Variants in LMO2 observed in about 807,000 individuals in gnomAD.
LMO2 encodes rhombotin-2.
LMO2 carries 20 observed loss-of-function variants against 23.2 expected under a neutral mutation model. The ratio of observed to expected loss-of-function variants is 0.86; its 90% CI spans 0.61 to 1.25. The LOEUF (loss-of-function observed/expected upper bound fraction) is 1.25. Ranked by LOEUF, LMO2 falls within the 50% of genes most tolerant of loss-of-function variation. The probability of loss-of-function intolerance (pLI) is 0.00; values close to 1 mark genes in which losing one functional copy is unlikely to be tolerated. For synonymous variants in LMO2, 123 were observed against 130.2 expected (o/e 0.94, Z 0.38); for missense variants, 270 against 315.3 (o/e 0.86, Z 1.09).
chr11:33,864,661 C>T lies in LMO2; in HGVS notation c.405G>A (p.Glu135=), dbSNP rs1489855196. 28 of 1,613,858 alleles carry T rather than the reference C, an allele frequency of 1.7e-5. No individual in the cohort carries two copies. The highest frequency in any genetic ancestry group is 2.3e-5 in the Non-Finnish European group (27 of 1,180,054). The stretch of plus-strand genomic sequence containing the variant: ...GTTTGTAGTAGAGGCGCCGCCCCAC[C>T]TCACCCAGCCGGCAGCCACAGAGGT... The part of the protein sequence containing the change: ...SCDLCGCRLG[E]VGRRLYYKLG... The change falls in exon 5 of 6, where the codon GAG becomes GAA. Residue 135 remains glutamate, a synonymous_variant. Coordinates refer to ENST00000257818, the MANE Select transcript of LMO2 (RefSeq NM_005574.4). The surrounding 1 kb of genome is among the most constrained non-coding windows in gnomAD (Gnocchi z 4.8).
chr11:33,868,699 TA>T (rs761013362), intron 4 of LMO2, among the ~76,000 whole-genome samples: 1 of 152,168 alleles, frequency 6.6e-6, no homozygotes, highest in Non-Finnish European at 1.5e-5. Context: ...AATGGTGCAT[TA>T]ACTTTCGAGG....
intron 1 of LMO2, among the ~76,000 whole-genome samples, chr11:33,886,538 A>G (rs1263944425): frequency 6.6e-6 from 1 of 152,210 alleles, no homozygotes; most frequent in Non-Finnish European, 1.5e-5. Context: ...ACTGTGTCCC[A>G]GGCCACCAGC....
intron 2 of LMO2, among the ~76,000 whole-genome samples, chr11:33,871,241 G>C (rs536982449): frequency 4.3e-5 from 6 of 139,394 alleles, no homozygotes; most frequent in Non-Finnish European, 7.8e-5. Flanking sequence ...GTGTGTGTGT[G>C]TCCCAAAGGA....
intron 1 of LMO2, among the ~76,000 whole-genome samples, chr11:33,890,228 G>A (rs1319201577): frequency 5.3e-5 from 8 of 152,124 alleles, no homozygotes; most frequent in Non-Finnish European, 1.2e-4. Context: ...ATATCAATCT[G>A]GTGATAGATA....
In LMO2 at chr11:33,869,591, A is replaced by G; in HGVS notation, c.8-5T>C. 1 of 1,293,258 alleles carries G rather than the reference A, an allele frequency of 7.7e-7. No homozygotes were observed. The highest frequency in any genetic ancestry group is 2.3e-4 in the Middle Eastern group (1 of 4,432). 80.1% of individuals were successfully genotyped at this position (1,293,258 alleles called of 1,614,324 possible). ...CAAGGACAGTCACCGCGCTCCCTTC[A>G]AACGCCAAAGAGAGAGAGCGAATCA... On this transcript the variant is annotated splice_polypyrimidine_tract_variant and splice_region_variant and intron_variant, in intron 3 of 5. Coordinates refer to ENST00000257818, the MANE Select transcript of LMO2 (RefSeq NM_005574.4).
chr11:33,863,858 A>G (rs1230194499), intron 5 of LMO2, among the ~76,000 whole-genome samples: 1 of 152,234 alleles, frequency 6.6e-6, no homozygotes, highest in Admixed American at 6.5e-5. Flanking sequence ...AGAGCAGCTA[A>G]CATCTATTTG....
intron 1 of LMO2, among the ~76,000 whole-genome samples, chr11:33,884,262 C>T (rs938239608): frequency 2.0e-5 from 3 of 151,744 alleles, no homozygotes; most frequent in Admixed American, 6.6e-5. Context: ...TGAATAATGC[C>T]GAGAGGAGGT....
rs1175339656 is a variant in LMO2, at chr11:33,880,164, T to TGATATATATAC, written c.-272+1659_-272+1660insGTATATATATC. ...TATTTTATGTGTACATATATATACA[T>TGATATATATAC]ATGATATATACACATGATATATATA... On this transcript the variant is annotated intron_variant, in intron 2 of 5. Coordinates refer to ENST00000257818, the MANE Select transcript of LMO2 (RefSeq NM_005574.4). This position sits in a 1 kb window ranked among gnomAD's most constrained non-coding sequence, Gnocchi z 4.3. Among the ~76,000 whole-genome samples the TGATATATATAC allele has an allele frequency of 5.5e-5, 2 of 36,452 alleles. No individual in the cohort carries two copies. The highest frequency in any genetic ancestry group is 6.1e-4 in the East Asian group (1 of 1,634). The allele number at this position is 36,452 out of a possible 152,430, so 23.9% of individuals were successfully genotyped here.
intron 2 of LMO2, among the ~76,000 whole-genome samples, chr11:33,877,612 ACACTAC>A (rs1244952247): frequency 3.4e-4 from 51 of 151,718 alleles, no homozygotes; most frequent in African/African-American, 1.1e-3. Flanking sequence ...CTATAGGTGC[ACACTAC>A]CACGCCTGGC....
intron 4 of LMO2, among the ~76,000 whole-genome samples, chr11:33,869,145 C>T (rs1344661663): frequency 1.3e-5 from 2 of 152,248 alleles, no homozygotes; most frequent in African/African-American, 2.4e-5. Context: ...CCTGTCCCTG[C>T]CGCCCGCCGC....
chr11:33,877,045 A>C (rs546130720), intron 2 of LMO2, among the ~76,000 whole-genome samples: 1 of 152,368 alleles, frequency 6.6e-6, no homozygotes, highest in South Asian at 2.1e-4. Flanking sequence ...TTTGCTGGAC[A>C]TAGATGGATA....
chr11:33,889,551 T>A (rs1019803127), intron 1 of LMO2, among the ~76,000 whole-genome samples: 12 of 152,228 alleles, frequency 7.9e-5, no homozygotes, highest in Non-Finnish European at 4.4e-5. Context: ...TTCATTCATC[T>A]GTCAGCTAGA....
Position 33,869,476 on chromosome 11 carries a change from C to T in LMO2, c.118G>A (p.Ala40Thr). ...GDGGGGGGAR[A>T]PEGVRAPAAG... ...GCCGGGGCTCGGACCCCCTCGGGTGCTCGGGCGCCGCCGCCGCCGCCGCCG... is the reference window on the plus strand; with the variant it reads ...GCCGGGGCTCGGACCCCCTCGGGTGTTCGGGCGCCGCCGCCGCCGCCGCCG... Residue 40 changes from alanine (A) to threonine (T), a missense_variant, in exon 4 of 6, where the codon GCA (alanine) becomes ACA (threonine). Coordinates refer to ENST00000257818, the MANE Select transcript of LMO2 (RefSeq NM_005574.4). 8.3e-7 allele frequency: 1 copy of T among 1,209,308 alleles called. No homozygotes were observed. The highest frequency in any genetic ancestry group is 1.6e-5 in the African/African-American group (1 of 61,958). The allele number at this position is 1,209,308 out of a possible 1,614,324, so 74.9% of individuals were successfully genotyped here.
At chr11:33,875,442 G>C (rs1427933348) in intron 2 of LMO2, among the ~76,000 whole-genome samples, 1 of 152,104 alleles carries the variant, frequency 6.6e-6, no homozygotes, top group Non-Finnish European at 1.5e-5. Context: ...GCCAAGCGAG[G>C]TGGCTGACGC....
intron 1 of LMO2, among the ~76,000 whole-genome samples, chr11:33,885,136 T>C (rs1857375564): frequency 6.6e-6 from 1 of 152,136 alleles, no homozygotes; most frequent in South Asian, 2.1e-4. Flanking sequence ...TTGTCAGACT[T>C]AGCAGTGTGC....
At chr11:33,889,013 C>A (rs1211127255) in intron 1 of LMO2, among the ~76,000 whole-genome samples, 1 of 152,170 alleles carries the variant, frequency 6.6e-6, no homozygotes, top group Non-Finnish European at 1.5e-5. Flanking sequence ...GTCCTATTTC[C>A]GTTAGGGTAG....
chr11:33,875,451 G>A (rs1479073285), intron 2 of LMO2, among the ~76,000 whole-genome samples: 2 of 151,990 alleles, frequency 1.3e-5, no homozygotes, highest in African/African-American at 4.8e-5. Flanking sequence ...GGTGGCTGAC[G>A]CCTGTAATCC....
chr11:33,879,508 A>T (rs931733581), intron 2 of LMO2, among the ~76,000 whole-genome samples: 1 of 151,702 alleles, frequency 6.6e-6, no homozygotes, highest in African/African-American at 2.4e-5. Flanking sequence ...TGTGCCTGTA[A>T]TCGCAGTTAC....
intron 2 of LMO2, among the ~76,000 whole-genome samples, chr11:33,876,185 CT>C (rs1473696215): frequency 6.6e-6 from 1 of 152,182 alleles, no homozygotes; most frequent in African/African-American, 2.4e-5. Flanking sequence ...AATCCTTCTT[CT>C]CCTCACTCTC....
Sources: gnomAD v4.1 joint callset for allele counts (sites outside exome capture counted in the v4.1 genomes callset) on GRCh38, gnomAD v4.1.1 for gene constraint, Gnocchi (gnomAD v3.1) non-coding constraint, MANE v1.5 for transcripts, NCBI Gene and HGNC (gene_info 2026-07-23, HGNC 2026-07-21) for gene names.